The following PRORP variants were observed in gnomAD, a reference collection of about 807,000 sequenced individuals.
The protein encoded by PRORP is mitochondrial ribonuclease P catalytic subunit.
In PRORP, 51 loss-of-function variants were observed where a neutral mutation model predicts 59.4. That is an observed-to-expected ratio of 0.86 (90% CI 0.69 to 1.08). The LOEUF (loss-of-function observed/expected upper bound fraction) is 1.08. Ranked by LOEUF, PRORP falls within the 50% of genes least tolerant of loss-of-function variation. PRORP has a pLI of 0.00. For missense variants in PRORP, 646 were observed against 690.3 expected, an observed-to-expected ratio of 0.94 and a Z score of 0.72; for synonymous variants, 231 against 245.6, an observed-to-expected ratio of 0.94 and a Z score of 0.55.
At chr14:35,250,106 G>A (rs1480653942) in intron 5 of PRORP, among the ~76,000 whole-genome samples, 1 of 151,898 alleles carries the variant, frequency 6.6e-6, no homozygotes, top group Non-Finnish European at 1.5e-5. Flanking sequence ...AAAATAGCTG[G>A]GCATGGTGGC....
chr14:35,136,243 C>T (rs1033652956), intron 4 of PRORP, among the ~76,000 whole-genome samples: 3 of 152,134 alleles, frequency 2.0e-5, no homozygotes, highest in African/African-American at 7.2e-5. Flanking sequence ...TTCAGGTTTT[C>T]GGCTTGGGTG....
At chr14:35,204,702 A>G (rs2049246699) in intron 5 of PRORP, among the ~76,000 whole-genome samples, 1 of 152,212 alleles carries the variant, frequency 6.6e-6, no homozygotes, top group Non-Finnish European at 1.5e-5. Flanking sequence ...TGTTCATTGT[A>G]CCGGTAACTC....
chr14:35,131,897 T>G (rs906210732), intron 4 of PRORP, among the ~76,000 whole-genome samples: 1 of 151,690 alleles, frequency 6.6e-6, no homozygotes, highest in African/African-American at 2.4e-5. Flanking sequence ...TGGAGTGCAG[T>G]GGTGCTATTT....
chr14:35,221,858 A>G (rs1035314660), intron 5 of PRORP, among the ~76,000 whole-genome samples: 6 of 152,100 alleles, frequency 3.9e-5, no homozygotes, highest in African/African-American at 1.2e-4. Flanking sequence ...TTTACAGATA[A>G]CCAGTAGTGG....
chr14:35,270,584 A>T lies in PRORP; in HGVS notation c.1608A>T (p.Lys536Asn). The part of the protein sequence containing the change: ...LAIVNRFPGS[K>N]LTFQRILSYD... ...TTGTAAATAGGTTTCCAGGATCAAA[A>T]CTAACCTTTCAGGTAATGGTACCTG... is the stretch of plus-strand genomic sequence containing the variant. The change falls in exon 7 of 8, where the codon AAA becomes AAT. Residue 536 changes from lysine to asparagine, a missense_variant. Coordinates refer to ENST00000534898, the MANE Select transcript of PRORP (RefSeq NM_014672.4). The T allele has an allele frequency of 6.2e-7, 1 of 1,614,120 alleles. No individual in the cohort carries two copies. Among genetic ancestry groups the T allele is most frequent in the Non-Finnish European group, 8.5e-7 (1 of 1,179,956 alleles).
chr14:35,271,156 C>CTTT lies in PRORP; in HGVS notation c.1620+578_1620+580dup, dbSNP rs762721923. ...TTAATTATGTCACAAATTATGACTT[C>CTTT]TTTTTTTTTTTTTTTTTTTTGAGAC... On this transcript the variant is annotated intron_variant, in intron 7 of 7. Transcript: ENST00000534898. Among the ~76,000 whole-genome samples the CTTT allele has an allele frequency of 7.2e-4, 83 of 114,558 alleles. 1 individual carries two copies. The highest frequency in any genetic ancestry group is 9.1e-4 in the Non-Finnish European group (51 of 56,230). 75.2% of individuals were successfully genotyped at this position (114,558 alleles called of 152,430 possible).
At chr14:35,220,520 G>A (rs11848354) in intron 5 of PRORP, among the ~76,000 whole-genome samples, 2,542 of 152,156 alleles carry the variant, frequency 0.017, 80 homozygotes, top group African/African-American at 0.058. Context: ...CACCAGCCCC[G>A]CAAAACCTCA....
In PRORP at chr14:35,275,987, A is replaced by G. The variant is rs1310144064; in HGVS notation, c.*2421A>G. On this transcript the variant is annotated 3_prime_UTR_variant, in exon 8 of 8. Coordinates refer to ENST00000534898, the MANE Select transcript of PRORP (RefSeq NM_014672.4). ...CATAACCCAGCTCTTCTAATTCCCA[A>G]ATACTCTTTCTTCTACTGGCACATA... 2 of 151,536 alleles carry G rather than the reference A, an allele frequency of 1.3e-5. No homozygotes were observed. Among genetic ancestry groups the G allele is most frequent in the Non-Finnish European group, 2.9e-5 (2 of 67,966 alleles). The allele number at this position is 151,536 out of a possible 1,614,324, so 9.4% of individuals were successfully genotyped here. A position where few individuals can be genotyped will look rare whatever the true frequency, so the allele number is the denominator to read the frequency against.
At chr14:35,272,025 CAAAAAAAACAAAA>C in intron 7 of PRORP, among the ~76,000 whole-genome samples, 1 of 111,208 alleles carries the variant, frequency 9.0e-6, no homozygotes, top group Admixed American at 9.6e-5. Flanking sequence ...GACTCCGTCT[CAAAAAAAACAAAA>C]AAAAACAACA....
chr14:35,160,998 C>T (rs1477933179), intron 4 of PRORP, among the ~76,000 whole-genome samples: 1 of 152,174 alleles, frequency 6.6e-6, no homozygotes, highest in East Asian at 1.9e-4. Flanking sequence ...GAAATGTAGA[C>T]ATATTTTTCT....
intron 4 of PRORP, among the ~76,000 whole-genome samples, chr14:35,170,815 A>G (rs927933419): frequency 5.3e-5 from 8 of 151,736 alleles, no homozygotes; most frequent in Admixed American, 5.3e-4. Flanking sequence ...GCCTGAAGAA[A>G]TTGCTTTAGC....
At chr14:35,156,925 A>G (rs143310222) in intron 4 of PRORP, among the ~76,000 whole-genome samples, 3 of 151,548 alleles carry the variant, frequency 2.0e-5, no homozygotes, top group African/African-American at 4.8e-5. Context: ...TTCTTGCCCT[A>G]ATAATGGTAG....
intron 5 of PRORP, chr14:35,263,004 G>T: frequency 6.3e-7 from 1 of 1,596,626 alleles, no homozygotes. Context: ...CTATGTCTCT[G>T]AAAAAGGAAC....
rs976228014 is a variant in PRORP at position 35,129,100 on chromosome 14, C to T, written c.1167+1489C>T. ...GCGCACGCTGGTAATCCCAGCTACTCGTGAGGTTGAGGCAGGAGAATCGCT... is the reference window on the plus strand; with the variant it reads ...GCGCACGCTGGTAATCCCAGCTACTTGTGAGGTTGAGGCAGGAGAATCGCT... On this transcript the variant is annotated intron_variant, in intron 4 of 7. Coordinates refer to ENST00000534898, the MANE Select transcript of PRORP (RefSeq NM_014672.4). Among the ~76,000 whole-genome samples the T allele has an allele frequency of 1.6e-4, 24 of 151,518 alleles. 1 individual carries two copies. Among genetic ancestry groups the T allele is most frequent in the Admixed American group, 4.6e-4 (7 of 15,222 alleles).
chr14:35,241,946 C>T (rs1454129555), intron 5 of PRORP, among the ~76,000 whole-genome samples: 1 of 152,158 alleles, frequency 6.6e-6, no homozygotes, highest in Non-Finnish European at 1.5e-5. Flanking sequence ...ATTCTACTGA[C>T]ACCTTTTATT....
chr14:35,123,948 GAC>G lies in PRORP; in HGVS notation c.705_706del (p.Ile236GlnfsTer12). On this transcript the variant is annotated frameshift_variant, in exon 2 of 8. Transcript: ENST00000534898. LOFTEE classifies it high-confidence loss of function. Reference protein sequence around the residue: ...RWREALLLLEDIKKVITPSKK... With the variant: ...RWREALLLLEXIKKVITPSKK... ...GAGAGAAGCATTGTTGCTGTTAGAG[GAC>G]ATCAAAAAAGTTATAACTCCTTCAA... 2 of 1,614,086 alleles carry G rather than the reference GAC, an allele frequency of 1.2e-6. No individual in the cohort carries two copies. The highest frequency in any genetic ancestry group is 2.2e-5 in the South Asian group (2 of 91,074).
chr14:35,268,192 C>T (rs192547299), intron 6 of PRORP, among the ~76,000 whole-genome samples: 6 of 151,856 alleles, frequency 4.0e-5, no homozygotes, highest in South Asian at 2.1e-4. Context: ...ACTAAAAATA[C>T]GATTAGCCAG....
chr14:35,125,925 A>G (rs2047085872), intron 2 of PRORP, among the ~76,000 whole-genome samples: 1 of 152,152 alleles, frequency 6.6e-6, no homozygotes, highest in African/African-American at 2.4e-5. Flanking sequence ...AGGCTGAAGC[A>G]AGAGGATCAC....
chr14:35,180,524 A>G lies in PRORP; in HGVS notation c.1168-146A>G, dbSNP rs113977827. On this transcript the variant is annotated intron_variant, in intron 4 of 7. Coordinates refer to ENST00000534898, the MANE Select transcript of PRORP (RefSeq NM_014672.4). ...CTTTTTCAGATTTCATTTGTAGAGT[A>G]TCTGTGTGTGTGTGTGTGTGTGTGT... The G allele has an allele frequency of 1.3e-4, 57 of 422,282 alleles. 1 individual carries two copies. In the Middle Eastern group the frequency reaches 2.5e-3, roughly 18 times the overall value. The allele number at this position is 422,282 out of a possible 1,614,324, so 26.2% of individuals were successfully genotyped here. A position where few individuals can be genotyped will look rare whatever the true frequency, so the allele number is the denominator to read the frequency against.
Sources: allele counts gnomAD v4.1 joint callset (sites outside exome capture counted in the v4.1 genomes callset), GRCh38; gene constraint gnomAD v4.1.1; transcripts MANE v1.5; gene names NCBI Gene and HGNC (gene_info 2026-07-23, HGNC 2026-07-21).